JPT2: variants seen among roughly 807,000 people sequenced by gnomAD.
JPT2 encodes Jupiter microtubule associated homolog 2.
Under a neutral mutation model 15.9 loss-of-function variants are expected in JPT2, and 9 were observed. The ratio of observed to expected loss-of-function variants is 0.57; its 90% CI spans 0.34 to 0.99. The LOEUF (loss-of-function observed/expected upper bound fraction) is 0.99, where lower values mean the gene tolerates loss of function less well. Among genes scored for constraint, JPT2 ranks in the 50% least tolerant of loss-of-function variants. The pLI, the probability that JPT2 is intolerant of heterozygous loss-of-function variation, is 0.02. For missense variants in JPT2, 267 were observed against 252.1 expected (o/e 1.06, Z -0.40); for synonymous variants, 95 against 91.7 (o/e 1.04, Z -0.21).
intron 3 of JPT2, among the ~76,000 whole-genome samples, chr16:1,694,898 CA>C (rs2037130200): frequency 6.6e-6 from 1 of 152,122 alleles, no homozygotes; most frequent in Non-Finnish European, 1.5e-5. Context: ...AATATAGGGA[CA>C]AATCTTCATG....
At chr16:1,688,001 T>C (rs776953482) in intron 2 of JPT2, among the ~76,000 whole-genome samples, 1 of 152,238 alleles carries the variant, frequency 6.6e-6, no homozygotes, top group East Asian at 1.9e-4. Flanking sequence ...AGTGTTTCAG[T>C]GAATCTTCAG....
chr16:1,687,006 G>A (rs1269880365), intron 2 of JPT2, among the ~76,000 whole-genome samples: 1 of 152,148 alleles, frequency 6.6e-6, no homozygotes, highest in Non-Finnish European at 1.5e-5. Context: ...GTTTTGAGAC[G>A]GGGTCTCACT....
chr16:1,682,394 G>A (rs897025280), intron 1 of JPT2, among the ~76,000 whole-genome samples: 11 of 150,924 alleles, frequency 7.3e-5, no homozygotes, highest in South Asian at 2.1e-4. Context: ...AAAATAGGCC[G>A]GACACAGTGG....
intron 1 of JPT2, among the ~76,000 whole-genome samples, chr16:1,680,936 T>A (rs1409893985): frequency 6.6e-6 from 1 of 152,184 alleles, no homozygotes; most frequent in Non-Finnish European, 1.5e-5. Flanking sequence ...TTTCCCTACC[T>A]CTCCAGTGCT....
chr16:1,678,458 T>TG (rs1805931021), intron 1 of JPT2, 102 bp downstream of exon 1: 5 of 277,898 alleles, frequency 1.8e-5, no homozygotes, highest in South Asian at 1.6e-4. Flanking sequence ...GGGGTGGGGT[T>TG]GGGGGGCAGG....
In JPT2 at chr16:1,699,480, AT is replaced by A; in HGVS notation, c.*486del. Reference sequence around the variant, plus strand: ...CTGCTAAATCCAGCATCCCCACTTCATTTTACCCCCAGCATATTGTTCTGTA... The same window carrying A: ...CTGCTAAATCCAGCATCCCCACTTCATTTACCCCCAGCATATTGTTCTGTA... On this transcript the variant is annotated 3_prime_UTR_variant, in exon 5 of 5. Transcript: ENST00000248098. 1 of 348,834 alleles carries A rather than the reference AT, an allele frequency of 2.9e-6. No individual in the cohort carries two copies. Among genetic ancestry groups the A allele is most frequent in the Non-Finnish European group, 5.7e-6 (1 of 174,862 alleles). The allele number at this position is 348,834 out of a possible 1,614,324, so 21.6% of individuals were successfully genotyped here.
chr16:1,681,930 A>C (rs2142219541), intron 1 of JPT2, among the ~76,000 whole-genome samples: 1 of 152,360 alleles, frequency 6.6e-6, no homozygotes, highest in East Asian at 1.9e-4. Flanking sequence ...ATTTGAAATA[A>C]GTCAGTAAAA....
rs778466541 is a variant in JPT2, at chr16:1,700,187, C to A, written c.*1189C>A. 6.6e-6 allele frequency: 3 copies of A among 455,984 alleles called. No individual in the cohort carries two copies. Among genetic ancestry groups the A allele is most frequent in the Non-Finnish European group, 1.3e-5 (3 of 226,720 alleles). The allele number at this position is 455,984 out of a possible 1,614,324, so 28.2% of individuals were successfully genotyped here. ...CTCACAAACAAGCTTCCAGAAGAGA[C>A]TAGAGACCTTAGGCCAGGAGATGAA... On this transcript the variant is annotated 3_prime_UTR_variant, in exon 5 of 5. Coordinates refer to ENST00000248098, the MANE Select transcript of JPT2 (RefSeq NM_144570.3).
intron 2 of JPT2, chr16:1,686,028 C>G (rs1193731783): frequency 6.3e-6 from 1 of 158,082 alleles, no homozygotes; most frequent in Non-Finnish European, 1.4e-5. Context: ...CTACATAGTT[C>G]TTCAGTATTT....
At chr16:1,691,720 C>A in intron 2 of JPT2, 123 bp from the exon 3 acceptor site, 1 of 1,165,888 alleles carries the variant, frequency 8.6e-7, no homozygotes, top group Non-Finnish European at 1.2e-6. Flanking sequence ...CCCTGTTGGC[C>A]TGGAGCTCAG....
chr16:1,690,376 GAA>G (rs1361455596), intron 2 of JPT2: 2 of 152,222 alleles, frequency 1.3e-5, no homozygotes, highest in Admixed American at 6.5e-5. Context: ...CCTTGTGTGA[GAA>G]AAGTTTGTAG....
intron 1 of JPT2, among the ~76,000 whole-genome samples, chr16:1,682,881 T>A (rs1471766028): frequency 6.6e-6 from 1 of 152,110 alleles, no homozygotes; most frequent in Non-Finnish European, 1.5e-5. Flanking sequence ...GCAATCATGG[T>A]TCACTGCAGC....
chr16:1,698,780 T>C lies in JPT2; in HGVS notation c.386-31T>C, dbSNP rs1237343088. 4.4e-6 allele frequency: 7 copies of C among 1,590,044 alleles called. No individual in the cohort carries two copies. In the East Asian group the frequency reaches 6.7e-5, roughly 15 times the overall value. On this transcript the variant is annotated intron_variant, in intron 4 of 4. Coordinates refer to ENST00000248098, the MANE Select transcript of JPT2 (RefSeq NM_144570.3). This position sits in a 1 kb window ranked among gnomAD's most constrained non-coding sequence, Gnocchi z 4.9. Reference sequence around the variant, plus strand: ...TGTCAGGGTCATGGGTTGCCTCTAATGGGATGTTGTTCTAACTTTGTGTCC... The same window carrying C: ...TGTCAGGGTCATGGGTTGCCTCTAACGGGATGTTGTTCTAACTTTGTGTCC...
rs1376553642 is a variant in JPT2, at chr16:1,678,312, C to A, written c.-1C>A. On this transcript the variant is annotated 5_prime_UTR_variant, in exon 1 of 5. Transcript: ENST00000248098. ...GCGAGCTGAGGGTGGCGGCGGTCGA[C>A]ATGTTCCAGGTCCCGGATAGCGAGG... 8.1e-7 allele frequency: 1 copy of A among 1,237,918 alleles called. No homozygotes were observed. Among genetic ancestry groups the A allele is most frequent in the Admixed American group, 4.1e-5 (1 of 24,132 alleles). 76.7% of individuals were successfully genotyped at this position (1,237,918 alleles called of 1,614,324 possible). A position where few individuals can be genotyped will look rare whatever the true frequency, so the allele number is the denominator to read the frequency against.
rs1445463193 is a variant in JPT2, at chr16:1,700,766, T to A, written c.*1768T>A. 2.0e-5 allele frequency: 3 copies of A among 152,502 alleles called. No homozygotes were observed. The highest frequency in any genetic ancestry group is 2.9e-5 in the Non-Finnish European group (2 of 68,216). 9.4% of individuals were successfully genotyped at this position (152,502 alleles called of 1,614,324 possible). Reference sequence around the variant, plus strand: ...CTACCATTTATAACTTCTGTTTTTTTATTGAGAAAATGATTCACGAATTCC... The same window carrying A: ...CTACCATTTATAACTTCTGTTTTTTAATTGAGAAAATGATTCACGAATTCC... On this transcript the variant is annotated 3_prime_UTR_variant, in exon 5 of 5. Transcript: ENST00000248098.
At position 1,685,551 on chromosome 16, in the gene JPT2, G is replaced by A. The variant is rs778368450; in HGVS notation, c.157G>A (p.Glu53Lys). The change falls in exon 2 of 5, where the codon GAA becomes AAA. Residue 53 changes from glutamate to lysine, a missense_variant. Coordinates refer to ENST00000248098, the MANE Select transcript of JPT2 (RefSeq NM_144570.3). Reference protein sequence around the residue: ...MASNIFGPTEEPQNIPKRTNP... With the variant: ...MASNIFGPTEKPQNIPKRTNP... Reference sequence around the variant, plus strand: ...ATCTAATATTTTTGGACCAACAGAAGAACCTCAGAACATACCCAAGAGGAC... The same window carrying A: ...ATCTAATATTTTTGGACCAACAGAAAAACCTCAGAACATACCCAAGAGGAC... 3.7e-6 allele frequency: 6 copies of A among 1,614,134 alleles called. No individual in the cohort carries two copies. In the Admixed American group the frequency reaches 1.0e-4, roughly 27 times the overall value.
At chr16:1,697,666 CTG>C (rs1387184984) in intron 3 of JPT2, 144 bp from the exon 4 acceptor site, 1 of 654,260 alleles carries the variant, frequency 1.5e-6, no homozygotes, top group African/African-American at 1.8e-5. Flanking sequence ...TCAGAATAGT[CTG>C]TAGAGGATTG....
In JPT2 at chr16:1,698,949, A is replaced by G. The variant is rs767658167; in HGVS notation, c.524A>G (p.Asn175Ser). 7 of 1,614,158 alleles carry G rather than the reference A, an allele frequency of 4.3e-6. No homozygotes were observed. Among genetic ancestry groups the G allele is most frequent in the Non-Finnish European group, 5.9e-6 (7 of 1,180,028 alleles). ...CTGGGGCCGCGGCCTCGCTCTCACA[A>G]CAAGGTCCTGAACCCACCGGGAGGC... is the stretch of plus-strand genomic sequence containing the variant. ...PRLGPRPRSHNKVLNPPGGKS... is the reference protein window; with the variant it reads ...PRLGPRPRSHSKVLNPPGGKS... The change falls in exon 5 of 5, where the codon AAC becomes AGC. Residue 175 changes from asparagine to serine, a missense_variant. Coordinates refer to ENST00000248098, the MANE Select transcript of JPT2 (RefSeq NM_144570.3). The surrounding 1 kb of genome is among the most constrained non-coding windows in gnomAD (Gnocchi z 4.9).
At chr16:1,683,578 G>T in intron 1 of JPT2, 1 of 1,535,458 alleles carries the variant, frequency 6.5e-7, no homozygotes, top group Non-Finnish European at 8.7e-7. Context: ...AGGGGCCCTG[G>T]GCACCACTTC....
Sources: gnomAD v4.1 joint callset for allele counts (sites outside exome capture counted in the v4.1 genomes callset) on GRCh38, gnomAD v4.1.1 for gene constraint, Gnocchi (gnomAD v3.1) non-coding constraint, MANE v1.5 for transcripts, NCBI Gene and HGNC (gene_info 2026-07-23, HGNC 2026-07-21) for gene names.